The following CYTH3 variants were observed in gnomAD, a reference collection of about 807,000 sequenced individuals.
The protein encoded by CYTH3 is cytohesin 3.
CYTH3 carries 23 observed loss-of-function variants against 55.1 expected under a neutral mutation model. The observed-to-expected ratio is 0.42, with a 90% CI of 0.30 to 0.59. The LOEUF is 0.59. Among genes scored for constraint, CYTH3 ranks in the 20% least tolerant of loss-of-function variants. The pLI is 0.20. For missense variants in CYTH3, 413 were observed against 524.8 expected, an observed-to-expected ratio of 0.79 and a Z score of 2.08; for synonymous variants, 249 against 194.9, an observed-to-expected ratio of 1.28 and a Z score of -2.31.
chr7:6,254,953 T>C (rs1042023745), intron 1 of CYTH3, among the ~76,000 whole-genome samples: 1 of 152,220 alleles, frequency 6.6e-6, no homozygotes, highest in Non-Finnish European at 1.5e-5. Context: ...ATAATAATCA[T>C]ATTGCCAATC....
At chr7:6,185,824 A>G (rs1274100979) in intron 4 of CYTH3, among the ~76,000 whole-genome samples, 2 of 152,252 alleles carry the variant, frequency 1.3e-5, no homozygotes, top group Middle Eastern at 3.4e-3. Flanking sequence ...ACCTGCACTT[A>G]TGTGAGTTTA....
At chr7:6,187,616 A>C in intron 3 of CYTH3, 41 bp downstream of exon 3, 2 of 1,558,260 alleles carry the variant, frequency 1.3e-6, no homozygotes, top group Non-Finnish European at 1.8e-6. Context: ...AGGTAGAAAG[A>C]AAAGAGTAAA....
intron 1 of CYTH3, among the ~76,000 whole-genome samples, chr7:6,225,816 A>G (rs185697690): frequency 3.3e-5 from 5 of 151,946 alleles, no homozygotes; most frequent in Admixed American, 2.6e-4. Flanking sequence ...AGTAGCTGAG[A>G]TTACAGGCGT....
chr7:6,217,416 C>A (rs547728523), intron 1 of CYTH3, among the ~76,000 whole-genome samples: 1 of 151,952 alleles, frequency 6.6e-6, no homozygotes, highest in Admixed American at 6.6e-5. Context: ...AAAAAGAAAG[C>A]AGGTGTGGCT....
chr7:6,267,783 A>G (rs2115070226), intron 1 of CYTH3, among the ~76,000 whole-genome samples: 1 of 152,250 alleles, frequency 6.6e-6, no homozygotes, highest in South Asian at 2.1e-4. Flanking sequence ...TGGCCTCCCA[A>G]AGTGCTGGGA....
Position 6,170,408 on chromosome 7 carries a change from C to A in CYTH3, c.823+127G>T. On this transcript the variant is annotated intron_variant, in intron 9 of 12. Transcript: ENST00000350796. The surrounding 1 kb of genome is among the most constrained non-coding windows in gnomAD (Gnocchi z 7.8). ...CTACCGAGAGCGGGCTCTGGCTTAA[C>A]CGCGTTTCTTTTTAACGTCTCTGCC... 1 of 864,342 alleles carries A rather than the reference C, an allele frequency of 1.2e-6. No homozygotes were observed. Among genetic ancestry groups the A allele is most frequent in the Non-Finnish European group, 1.8e-6 (1 of 568,374 alleles). The allele number at this position is 864,342 out of a possible 1,614,324, so 53.5% of individuals were successfully genotyped here. A position where few individuals can be genotyped will look rare whatever the true frequency, so the allele number is the denominator to read the frequency against.
In CYTH3 at chr7:6,169,455, C is replaced by T. The variant is rs866797200; in HGVS notation, c.823+1080G>A. Among the ~76,000 whole-genome samples the T allele has an allele frequency of 2.0e-5, 3 of 152,146 alleles. No individual in the cohort carries two copies. Among genetic ancestry groups the T allele is most frequent in the South Asian group, 4.1e-4 (2 of 4,834 alleles). ...TGAAGCTCCTGGCCTAAGCAATCCT[C>T]CCACCTCAGCCTCCCAAAGCACTAG... is the stretch of plus-strand genomic sequence containing the variant. On this transcript the variant is annotated intron_variant, in intron 9 of 12. Coordinates refer to ENST00000350796, the MANE Select transcript of CYTH3 (RefSeq NM_004227.4). This position sits in a 1 kb window ranked among gnomAD's most constrained non-coding sequence, Gnocchi z 4.1.
chr7:6,254,752 G>T (rs980979539), intron 1 of CYTH3, among the ~76,000 whole-genome samples: 1 of 152,150 alleles, frequency 6.6e-6, no homozygotes, highest in Admixed American at 6.6e-5. Flanking sequence ...ACCTGCCCAT[G>T]TTTGTATCTT....
intron 4 of CYTH3, among the ~76,000 whole-genome samples, chr7:6,183,607 GCT>G (rs1179899548): frequency 2.0e-5 from 3 of 152,190 alleles, no homozygotes; most frequent in Non-Finnish European, 2.9e-5. Context: ...GAATTTATTT[GCT>G]CTGACAATGT....
chr7:6,258,441 C>G (rs1780190158), intron 1 of CYTH3, among the ~76,000 whole-genome samples: 2 of 152,222 alleles, frequency 1.3e-5, no homozygotes, highest in African/African-American at 2.4e-5. Flanking sequence ...ACTTTCACCT[C>G]TCCTCCACTT....
In CYTH3 at chr7:6,171,395, G is replaced by A. The variant is rs1783189301; in HGVS notation, c.450-81C>T. On this transcript the variant is annotated intron_variant, in intron 6 of 12. Transcript: ENST00000350796. This position sits in a 1 kb window ranked among gnomAD's most constrained non-coding sequence, Gnocchi z 6.7. ...CCAAGGGCGGCTTCTGCCCAGCTCA[G>A]GAAGGACGTTTTCCTCCCGAGCCTG... 2.9e-6 allele frequency: 4 copies of A among 1,367,652 alleles called. No individual in the cohort carries two copies. Among genetic ancestry groups the A allele is most frequent in the Admixed American group, 3.6e-5 (2 of 55,714 alleles). The allele number at this position is 1,367,652 out of a possible 1,614,324, so 84.7% of individuals were successfully genotyped here. A position where few individuals can be genotyped will look rare whatever the true frequency, so the allele number is the denominator to read the frequency against.
chr7:6,209,956 G>A (rs1005931223), intron 1 of CYTH3, among the ~76,000 whole-genome samples: 1 of 152,146 alleles, frequency 6.6e-6, no homozygotes, highest in East Asian at 1.9e-4. Context: ...GGGTTCAGGG[G>A]GACACGGACA....
Position 6,169,053 on chromosome 7 carries a change from G to A in CYTH3, c.823+1482C>T, listed in dbSNP as rs1320191532. On this transcript the variant is annotated intron_variant, in intron 9 of 12. Transcript: ENST00000350796. This position sits in a 1 kb window ranked among gnomAD's most constrained non-coding sequence, Gnocchi z 4.1. ...CCCGAGCCAAAGACCATGGTACTAG[G>A]TTTTCAGGCAAATATCTACAACTCC... is the stretch of plus-strand genomic sequence containing the variant. 2.6e-5 allele frequency among the ~76,000 whole-genome samples: 4 copies of A among 152,160 alleles called. No homozygotes were observed. Among genetic ancestry groups the A allele is most frequent in the Non-Finnish European group, 4.4e-5 (3 of 68,034 alleles).
intron 1 of CYTH3, among the ~76,000 whole-genome samples, chr7:6,197,035 G>C (rs1783951012): frequency 6.6e-6 from 1 of 152,178 alleles, no homozygotes; most frequent in African/African-American, 2.4e-5. Flanking sequence ...AAGATGAGCA[G>C]GGTTGGTTGT....
At chr7:6,172,394 C>T (rs1053425034) in intron 6 of CYTH3, among the ~76,000 whole-genome samples, 68 of 152,124 alleles carry the variant, frequency 4.5e-4, no homozygotes, top group Non-Finnish European at 2.5e-4. Flanking sequence ...CTCCACCCCT[C>T]ACTCCCTCTC....
intron 2 of CYTH3, 21 bp downstream of exon 2, chr7:6,190,423 TTTTGG>T: frequency 6.9e-7 from 1 of 1,442,806 alleles, no homozygotes; most frequent in East Asian, 2.6e-5. Context: ...AGTTTTGGAT[TTTTGG>T]TTTTTTTTTT....
chr7:6,192,791 C>T (rs1783832341), intron 1 of CYTH3, among the ~76,000 whole-genome samples: 1 of 151,448 alleles, frequency 6.6e-6, no homozygotes, highest in African/African-American at 2.4e-5. Flanking sequence ...TCTTGGCCTC[C>T]CAAAATGCTG....
At chr7:6,236,618 G>C (rs11984010) in intron 1 of CYTH3, among the ~76,000 whole-genome samples, 236 of 152,026 alleles carry the variant, frequency 1.6e-3, no homozygotes, top group African/African-American at 5.4e-3. Flanking sequence ...GAGTATAGTG[G>C]CATGATCTCA....
At chr7:6,258,212 C>T (rs904069756) in intron 1 of CYTH3, among the ~76,000 whole-genome samples, 3 of 151,040 alleles carry the variant, frequency 2.0e-5, no homozygotes, top group African/African-American at 7.3e-5. Context: ...ACTTGAGAGG[C>T]TGAGGTGGGG....
Sources: gnomAD v4.1 joint callset for allele counts (sites outside exome capture counted in the v4.1 genomes callset) on GRCh38, gnomAD v4.1.1 for gene constraint, Gnocchi (gnomAD v3.1) non-coding constraint, MANE v1.5 for transcripts, NCBI Gene and HGNC (gene_info 2026-07-23, HGNC 2026-07-21) for gene names.